Variants in CACNB4 observed in about 807,000 individuals in gnomAD.
The protein encoded by CACNB4 is calcium voltage-gated channel auxiliary subunit beta 4.
A neutral mutation model predicts 71.2 loss-of-function variants in CACNB4; 32 were observed. That is an observed-to-expected ratio of 0.45 (90% CI 0.34 to 0.60). CACNB4 has a LOEUF of 0.60. Among genes scored for constraint, CACNB4 ranks in the 20% least tolerant of loss-of-function variants. The pLI is 0.01. For missense variants in CACNB4, 464 were observed against 647.9 expected (o/e 0.72, Z 3.08); for synonymous variants, 231 against 236.9 (o/e 0.97, Z 0.23).
chr2:152,032,264 G>C (rs971048829), intron 2 of CACNB4, among the ~76,000 whole-genome samples: 1 of 152,164 alleles, frequency 6.6e-6, no homozygotes, highest in Non-Finnish European at 1.5e-5. Context: ...AAATTGGCCT[G>C]AGAAGGGAAG....
At chr2:151,943,519 A>G (rs1298728752) in intron 2 of CACNB4, among the ~76,000 whole-genome samples, 1 of 152,004 alleles carries the variant, frequency 6.6e-6, no homozygotes, top group Admixed American at 6.6e-5. Context: ...TTATTTCTGG[A>G]AGAAAAAAAA....
intron 2 of CACNB4, among the ~76,000 whole-genome samples, chr2:151,892,872 C>T (rs986719612): frequency 6.6e-6 from 1 of 152,194 alleles, no homozygotes. Flanking sequence ...ACTCTTCCTG[C>T]CTCCAGGGGT....
At position 151,909,453 on chromosome 2, in the gene CACNB4, A is replaced by C. The variant is rs1366014135; in HGVS notation, c.148-26083T>G. Among the ~76,000 whole-genome samples the C allele has an allele frequency of 1.0e-3, 123 of 122,934 alleles. 1 individual carries two copies. The highest frequency in any genetic ancestry group is 5.5e-3 in the Admixed American group (68 of 12,354). The allele number at this position is 122,934 out of a possible 152,430, so 80.6% of individuals were successfully genotyped here. On this transcript the variant is annotated intron_variant, in intron 2 of 13. Transcript: ENST00000539935. ...TCCATCTCAGGGAGGAAAAAAACAA[A>C]AAAAAAAAACAAAAAATGGGATACA...
intron 2 of CACNB4, among the ~76,000 whole-genome samples, chr2:152,004,739 G>A (rs376575439): frequency 6.6e-6 from 1 of 152,188 alleles, no homozygotes; most frequent in African/African-American, 2.4e-5. Flanking sequence ...ACTTAGCTGG[G>A]CTGGACAATG....
intron 2 of CACNB4, among the ~76,000 whole-genome samples, chr2:151,993,114 A>G (rs1681808516): frequency 6.6e-6 from 1 of 151,420 alleles, no homozygotes; most frequent in Admixed American, 6.6e-5. Context: ...AACATCTTGA[A>G]TAAGGTCAGA....
At chr2:152,023,474 C>G (rs1683792901) in intron 2 of CACNB4, among the ~76,000 whole-genome samples, 1 of 152,052 alleles carries the variant, frequency 6.6e-6, no homozygotes, top group Non-Finnish European at 1.5e-5. Flanking sequence ...CACTCTTGTC[C>G]CCCCGGCTGG....
chr2:151,971,905 C>A, intron 2 of CACNB4: 1 of 379,734 alleles, frequency 2.6e-6, no homozygotes, highest in Non-Finnish European at 5.0e-6. Context: ...TGTGCACAGC[C>A]CGGAGGATCT....
chr2:151,924,073 C>CTTTTTT lies in CACNB4; in HGVS notation c.148-40709_148-40704dup, dbSNP rs59036016. ...ACGTGCGTGTAATCTATTCTGAAAT[C>CTTTTTT]TTTTTTTTTTTTTTTTTTTTTTTGA... On this transcript the variant is annotated intron_variant, in intron 2 of 13. Transcript: ENST00000539935. Among the ~76,000 whole-genome samples, 172 of 91,450 alleles carry CTTTTTT rather than the reference C, an allele frequency of 1.9e-3. 5 individuals are homozygous for CTTTTTT. Among genetic ancestry groups the CTTTTTT allele is most frequent in the Middle Eastern group, 0.011 (1 of 92 alleles). 60.0% of individuals were successfully genotyped at this position (91,450 alleles called of 152,430 possible). A position where few individuals can be genotyped will look rare whatever the true frequency, so the allele number is the denominator to read the frequency against.
chr2:152,024,789 C>T (rs1390930331), intron 2 of CACNB4, among the ~76,000 whole-genome samples: 1 of 152,216 alleles, frequency 6.6e-6, no homozygotes, highest in African/African-American at 2.4e-5. Flanking sequence ...GGCGTGGTGG[C>T]TCACGCCTGT....
intron 2 of CACNB4, among the ~76,000 whole-genome samples, chr2:152,058,206 T>G (rs58975341): frequency 0.24 from 36,288 of 151,964 alleles, 5,413 homozygotes; most frequent in East Asian, 0.76. Flanking sequence ...CTTTATAAAT[T>G]ACCCAGTCTC....
chr2:152,026,123 T>A (rs2105155648), intron 2 of CACNB4, among the ~76,000 whole-genome samples: 1 of 152,186 alleles, frequency 6.6e-6, no homozygotes, highest in Middle Eastern at 3.4e-3. Context: ...GTGAACCACA[T>A]CTCCCCTCTT....
rs1483872017 is a variant in CACNB4 at position 152,098,144 on chromosome 2, C to G, written c.147+186G>C. ...CCGGGGCGGTGCGGAGACGCCGGGACGCGAAGACGTCAAGAGCCCAGGCTA... is the reference window on the plus strand; with the variant it reads ...CCGGGGCGGTGCGGAGACGCCGGGAGGCGAAGACGTCAAGAGCCCAGGCTA... On this transcript the variant is annotated intron_variant, in intron 2 of 13. Coordinates refer to ENST00000539935, the MANE Select transcript of CACNB4 (RefSeq NM_000726.5). The surrounding 1 kb of genome is among the most constrained non-coding windows in gnomAD (Gnocchi z 5.3). Among the ~76,000 whole-genome samples, 1 of 152,236 alleles carries G rather than the reference C, an allele frequency of 6.6e-6. No homozygotes were observed. Among genetic ancestry groups the G allele is most frequent in the Non-Finnish European group, 1.5e-5 (1 of 68,038 alleles).
At chr2:152,003,216 G>T (rs1484154398) in intron 2 of CACNB4, among the ~76,000 whole-genome samples, 1 of 152,214 alleles carries the variant, frequency 6.6e-6, no homozygotes, top group Non-Finnish European at 1.5e-5. Context: ...GCTGAGGCAG[G>T]CAGATTGCCT....
In CACNB4 at chr2:152,028,588, C is replaced by T. The variant is rs1038319611; in HGVS notation, c.147+69742G>A. ...CATATCATTTAAATTTGTCTTTCTG[C>T]GAAAGAAGAAGGGAGTATTATTTTA... On this transcript the variant is annotated intron_variant, in intron 2 of 13. Transcript: ENST00000539935. Among the ~76,000 whole-genome samples, 9 of 152,084 alleles carry T rather than the reference C, an allele frequency of 5.9e-5. No homozygotes were observed. In the East Asian group the frequency reaches 7.7e-4, roughly 13 times the overall value.
intron 2 of CACNB4, among the ~76,000 whole-genome samples, chr2:152,041,642 A>G (rs1253196249): frequency 1.3e-5 from 2 of 152,238 alleles, no homozygotes; most frequent in Admixed American, 6.5e-5. Flanking sequence ...AAATCAGTCC[A>G]TCACCAAAAG....
At chr2:151,966,427 C>A (rs904988972) in intron 2 of CACNB4, among the ~76,000 whole-genome samples, 4 of 151,974 alleles carry the variant, frequency 2.6e-5, no homozygotes, top group Non-Finnish European at 4.4e-5. Flanking sequence ...ATTACAGGCA[C>A]CCACCACCAC....
At chr2:151,992,035 C>G (rs1681735939) in intron 2 of CACNB4, among the ~76,000 whole-genome samples, 1 of 152,168 alleles carries the variant, frequency 6.6e-6, no homozygotes, top group Non-Finnish European at 1.5e-5. Context: ...GAATGGCCCC[C>G]CTGAAGGACA....
intron 2 of CACNB4, among the ~76,000 whole-genome samples, chr2:152,045,436 T>C (rs759893566): frequency 3.9e-5 from 6 of 152,168 alleles, no homozygotes; most frequent in Admixed American, 6.6e-5. Context: ...GGACAAATAT[T>C]GTGTGATTCC....
chr2:152,050,767 C>CTTGT (rs569454899), intron 2 of CACNB4, among the ~76,000 whole-genome samples: 9 of 151,576 alleles, frequency 5.9e-5, no homozygotes, highest in Non-Finnish European at 1.2e-4. Context: ...GGTTTTTCTG[C>CTTGT]TTGTTTGTTT....
Sources: gnomAD v4.1 joint callset for allele counts (sites outside exome capture counted in the v4.1 genomes callset) on GRCh38, gnomAD v4.1.1 for gene constraint, Gnocchi (gnomAD v3.1) non-coding constraint, MANE v1.5 for transcripts, NCBI Gene and HGNC (gene_info 2026-07-23, HGNC 2026-07-21) for gene names.